Variants in CACHD1 observed in about 807,000 individuals in gnomAD.
CACHD1 encodes cache domain containing 1.
A neutral mutation model predicts 138.7 loss-of-function variants in CACHD1; 71 were observed. That is an observed-to-expected ratio of 0.51 (90% CI 0.42 to 0.62). The LOEUF is 0.62. CACHD1 is among the 20% of genes least tolerant of loss of function. The probability of loss-of-function intolerance (pLI) is 0.00; values close to 1 mark genes in which losing one functional copy is unlikely to be tolerated. For synonymous variants in CACHD1, 578 were observed against 591.5 expected, an observed-to-expected ratio of 0.98 and a Z score of 0.33; for missense variants, 1,389 against 1,625.3, an observed-to-expected ratio of 0.85 and a Z score of 2.50.
At chr1:64,486,930 T>C (rs577006825) in intron 1 of CACHD1, among the ~76,000 whole-genome samples, 1 of 152,192 alleles carries the variant, frequency 6.6e-6, no homozygotes, top group East Asian at 1.9e-4. Flanking sequence ...GAAGGCTTCT[T>C]GGGGGTGCTG....
chr1:64,514,544 G>T (rs1646445098), intron 1 of CACHD1, among the ~76,000 whole-genome samples: 2 of 152,164 alleles, frequency 1.3e-5, no homozygotes, highest in South Asian at 4.1e-4. Flanking sequence ...CTGGGCAGTG[G>T]GGGAGGAATG....
chr1:64,527,913 A>G (rs914375378), intron 1 of CACHD1, among the ~76,000 whole-genome samples: 1 of 152,142 alleles, frequency 6.6e-6, no homozygotes, highest in Non-Finnish European at 1.5e-5. Context: ...TTGTGTTGCT[A>G]ACTGGCCCAG....
In CACHD1 at chr1:64,543,590, A is replaced by T. The variant is rs139996947; in HGVS notation, c.199-7004A>T. On this transcript the variant is annotated intron_variant, in intron 1 of 26. Transcript: ENST00000651257. ...GACTGTCTCTAAAATAATAATTTTA[A>T]AAGTGACCAAGATCTATAGCAACAG... Among the ~76,000 whole-genome samples, 496 of 151,554 alleles carry T rather than the reference A, an allele frequency of 3.3e-3. 7 individuals are homozygous for T. Among genetic ancestry groups the T allele is most frequent in the African/African-American group, 0.012 (489 of 41,390 alleles).
chr1:64,656,363 A>G (rs1237768336), intron 12 of CACHD1, among the ~76,000 whole-genome samples: 1 of 152,142 alleles, frequency 6.6e-6, no homozygotes, highest in Non-Finnish European at 1.5e-5. Flanking sequence ...CTGCCCTTAT[A>G]TTTATATCAT....
At chr1:64,658,665 C>T in intron 12 of CACHD1, 40 bp from the exon 13 acceptor site, 4 of 1,531,248 alleles carry the variant, frequency 2.6e-6, no homozygotes, top group Non-Finnish European at 3.6e-6. Flanking sequence ...CCATGGAACC[C>T]TCATTTTCTA....
At chr1:64,520,141 C>G (rs1371005970) in intron 1 of CACHD1, among the ~76,000 whole-genome samples, 2 of 152,216 alleles carry the variant, frequency 1.3e-5, no homozygotes, top group African/African-American at 4.8e-5. Context: ...TAGTCAGCAT[C>G]AAGCAACTGG....
chr1:64,653,257 G>A (rs1461984372), intron 10 of CACHD1, among the ~76,000 whole-genome samples: 3 of 151,848 alleles, frequency 2.0e-5, no homozygotes, highest in African/African-American at 4.8e-5. Flanking sequence ...AGGGAGAGGA[G>A]CAGAAAAAAT....
chr1:64,603,956 G>A (rs1007065430), intron 4 of CACHD1, among the ~76,000 whole-genome samples: 10 of 152,124 alleles, frequency 6.6e-5, no homozygotes, highest in Non-Finnish European at 1.3e-4. Flanking sequence ...TCTAAAGCAC[G>A]GGAACCCCCC....
intron 1 of CACHD1, among the ~76,000 whole-genome samples, chr1:64,486,477 C>T (rs1646244112): frequency 6.6e-6 from 1 of 151,974 alleles, no homozygotes; most frequent in Non-Finnish European, 1.5e-5. Context: ...TCTGCTACTA[C>T]AAATTGATTT....
At chr1:64,678,055 C>G in intron 22 of CACHD1, 104 bp from the exon 23 acceptor site, 2 of 1,174,194 alleles carry the variant, frequency 1.7e-6, no homozygotes, top group Non-Finnish European at 2.4e-6. Context: ...ATTCACAGCA[C>G]TAGTAAGTAA....
At chr1:64,565,552 A>G (rs1426721780) in intron 2 of CACHD1, among the ~76,000 whole-genome samples, 1 of 152,144 alleles carries the variant, frequency 6.6e-6, no homozygotes, top group Non-Finnish European at 1.5e-5. Flanking sequence ...GTCTGACTCT[A>G]CAGAAAAGAA....
At chr1:64,676,033 T>G (rs2100727824) in intron 21 of CACHD1, 50 bp downstream of exon 21, 8 of 402,014 alleles carry the variant, frequency 2.0e-5, no homozygotes, top group Non-Finnish European at 2.8e-5. Context: ...ATAATAATAA[T>G]AATAATACAT....
chr1:64,591,915 A>T (rs746630903), intron 3 of CACHD1, among the ~76,000 whole-genome samples: 11 of 152,188 alleles, frequency 7.2e-5, no homozygotes, highest in Non-Finnish European at 1.6e-4. Context: ...TGTCAGATAC[A>T]ACTGTATTCA....
At chr1:64,477,429 C>A (rs1352094289) in intron 1 of CACHD1, among the ~76,000 whole-genome samples, 1 of 151,990 alleles carries the variant, frequency 6.6e-6, no homozygotes, top group Non-Finnish European at 1.5e-5. Flanking sequence ...ATAGTTATTT[C>A]TTTAGTTTTA....
chr1:64,600,212 C>T (rs1409859585), intron 3 of CACHD1, among the ~76,000 whole-genome samples: 1 of 152,158 alleles, frequency 6.6e-6, no homozygotes, highest in Non-Finnish European at 1.5e-5. Flanking sequence ...CCGGTGTCTT[C>T]GGTCTCTTTG....
intron 19 of CACHD1, among the ~76,000 whole-genome samples, chr1:64,674,100 T>C (rs979220673): frequency 1.3e-5 from 2 of 152,162 alleles, no homozygotes; most frequent in Non-Finnish European, 2.9e-5. Flanking sequence ...TTATTTAGAA[T>C]AGGCATTTAT....
chr1:64,681,446 C>A (rs186098099), intron 25 of CACHD1, 111 bp downstream of exon 25: 2 of 751,074 alleles, frequency 2.7e-6, no homozygotes, highest in Non-Finnish European at 4.2e-6. Flanking sequence ...AGCTTTGACA[C>A]GGTGGCTGGG....
At position 64,602,385 on chromosome 1, in the gene CACHD1, G is replaced by C. The variant is rs572241964; in HGVS notation, c.411-421G>C. 4.0e-5 allele frequency among the ~76,000 whole-genome samples: 6 copies of C among 151,076 alleles called. No homozygotes were observed. The East Asian group carries it at 1.2e-3, about 30-fold the overall frequency. ...CCACACCCATTCAACCTTCACTACT[G>C]TCTATTTTTGTACTTGGTCATTGGT... On this transcript the variant is annotated intron_variant, in intron 3 of 26. Coordinates refer to ENST00000651257, the MANE Select transcript of CACHD1 (RefSeq NM_020925.4).
chr1:64,602,464 C>T (rs1054143520), intron 3 of CACHD1, among the ~76,000 whole-genome samples: 2 of 106,328 alleles, frequency 1.9e-5, no homozygotes, highest in South Asian at 3.5e-4. Flanking sequence ...TCAGAGCTCC[C>T]ATCTGATTTT....
Sources: gnomAD v4.1 joint callset for allele counts (sites outside exome capture counted in the v4.1 genomes callset) on GRCh38, gnomAD v4.1.1 for gene constraint, MANE v1.5 for transcripts, NCBI Gene and HGNC (gene_info 2026-07-23, HGNC 2026-07-21) for gene names.